ADAMTS12: variants seen among roughly 807,000 people sequenced by gnomAD.
ADAMTS12 encodes the protein ADAM metallopeptidase with thrombospondin type 1 motif 12, also known as A disintegrin and metalloproteinase with thrombospondin motifs 12.
In ADAMTS12, 118 loss-of-function variants were observed where a neutral mutation model predicts 167.8. The observed-to-expected ratio is 0.70, with a 90% CI of 0.61 to 0.82. The LOEUF is 0.82. Ranked by LOEUF, ADAMTS12 falls within the 40% of genes least tolerant of loss-of-function variation. The pLI, the probability that ADAMTS12 is intolerant of heterozygous loss-of-function variation, is 0.00. For synonymous variants in ADAMTS12, 704 were observed against 716.9 expected (o/e 0.98, Z 0.29); for missense variants, 1,916 against 1,998.8 (o/e 0.96, Z 0.79).
chr5:33,627,399 G>A (rs368208282), intron 13 of ADAMTS12, among the ~76,000 whole-genome samples: 8 of 150,802 alleles, frequency 5.3e-5, no homozygotes, highest in East Asian at 3.9e-4. Context: ...TAGTGGTGGC[G>A]ATGATGTAGT....
intron 3 of ADAMTS12, among the ~76,000 whole-genome samples, chr5:33,712,361 C>T (rs1180225852): frequency 6.6e-6 from 1 of 152,096 alleles, no homozygotes; most frequent in Non-Finnish European, 1.5e-5. Context: ...AAAATGCTTT[C>T]AATGCTCTTT....
Position 33,753,481 on chromosome 5 carries a change from A to T in ADAMTS12, c.490-1933T>A, listed in dbSNP as rs1745070202. On this transcript the variant is annotated intron_variant, in intron 2 of 23. Coordinates refer to ENST00000504830, the MANE Select transcript of ADAMTS12 (RefSeq NM_030955.4). ...AAGAGGAAAATGTGAGCCTGTTGTC[A>T]GAAAGCTCATTTGTTCTATGGAAAC... Among the ~76,000 whole-genome samples, 5 of 152,336 alleles carry T rather than the reference A, an allele frequency of 3.3e-5. 1 individual carries two copies. The South Asian group carries it at 1.0e-3, about 32-fold the overall frequency.
intron 17 of ADAMTS12, among the ~76,000 whole-genome samples, chr5:33,593,906 T>G (rs1747773871): frequency 6.6e-6 from 1 of 152,216 alleles, no homozygotes; most frequent in African/African-American, 2.4e-5. Context: ...GGCATCAAAT[T>G]TCTCTGAACC....
chr5:33,832,548 A>G (rs1748339541), intron 2 of ADAMTS12, among the ~76,000 whole-genome samples: 1 of 152,218 alleles, frequency 6.6e-6, no homozygotes, highest in Admixed American at 6.5e-5. Flanking sequence ...CATTCAACAA[A>G]TGTGCAAGTA....
intron 5 of ADAMTS12, 101 bp downstream of exon 5, chr5:33,682,917 T>C: frequency 1.1e-6 from 1 of 933,444 alleles, no homozygotes; most frequent in Non-Finnish European, 1.6e-6. Flanking sequence ...TTCCAAACAC[T>C]TTCTGGTACC....
chr5:33,615,164 G>A (rs948836935), intron 15 of ADAMTS12, among the ~76,000 whole-genome samples: 3 of 152,170 alleles, frequency 2.0e-5, no homozygotes, highest in African/African-American at 7.2e-5. Context: ...CCTTGCCTGT[G>A]TCAGAAGCAA....
chr5:33,666,208 G>A (rs761902829), intron 5 of ADAMTS12, among the ~76,000 whole-genome samples: 2 of 152,172 alleles, frequency 1.3e-5, no homozygotes, highest in East Asian at 1.9e-4. Context: ...ACCCTCCACC[G>A]TTAACATACA....
intron 7 of ADAMTS12, among the ~76,000 whole-genome samples, chr5:33,653,818 A>G (rs1740948419): frequency 1.3e-5 from 2 of 152,124 alleles, no homozygotes; most frequent in African/African-American, 4.8e-5. Flanking sequence ...AGTTTCTCTC[A>G]CCTTCTTAAA....
At chr5:33,548,465 C>T (rs1387317846) in intron 21 of ADAMTS12, among the ~76,000 whole-genome samples, 1 of 152,108 alleles carries the variant, frequency 6.6e-6, no homozygotes, top group Non-Finnish European at 1.5e-5. Context: ...GGGAAAGTGC[C>T]TAGCTCCTGG....
Position 33,614,224 on chromosome 5 carries a change from C to T in ADAMTS12, c.2527+14G>A, listed in dbSNP as rs761396737. 8 of 1,612,066 alleles carry T rather than the reference C, an allele frequency of 5.0e-6. No homozygotes were observed. Among genetic ancestry groups the T allele is most frequent in the Non-Finnish European group, 5.9e-6 (7 of 1,178,940 alleles). On this transcript the variant is annotated intron_variant, in intron 16 of 23. Coordinates refer to ENST00000504830, the MANE Select transcript of ADAMTS12 (RefSeq NM_030955.4). ...GGCTGGCATGGCTTCATAGTGAGAG[C>T]AGCTGTTTCTCACCTGTCCCGCAGG...
chr5:33,809,909 G>A (rs1192063531), intron 2 of ADAMTS12, among the ~76,000 whole-genome samples: 1 of 149,642 alleles, frequency 6.7e-6, no homozygotes, highest in Non-Finnish European at 1.5e-5. Context: ...GAGGAGAGAG[G>A]GAGAATCATA....
rs116934530 is a variant in ADAMTS12, at chr5:33,586,307, A to G, written c.2865+2292T>C. 5.0e-4 allele frequency among the ~76,000 whole-genome samples: 76 copies of G among 152,372 alleles called. 1 individual carries two copies. The East Asian group carries it at 0.013, about 27-fold the overall frequency. ...TAGGAGGTTATTAGTAAGAGAGCAGATAGAAGAAAGGAAGACCCATTTGAT... is the reference window on the plus strand; with the variant it reads ...TAGGAGGTTATTAGTAAGAGAGCAGGTAGAAGAAAGGAAGACCCATTTGAT... On this transcript the variant is annotated intron_variant, in intron 18 of 23. Transcript: ENST00000504830.
intron 19 of ADAMTS12, among the ~76,000 whole-genome samples, chr5:33,571,467 G>C (rs1196488576): frequency 2.0e-5 from 3 of 152,092 alleles, no homozygotes; most frequent in Non-Finnish European, 4.4e-5. Context: ...CAACTACATG[G>C]AAACTGAACA....
chr5:33,786,822 G>A (rs1035263343), intron 2 of ADAMTS12, among the ~76,000 whole-genome samples: 8 of 152,190 alleles, frequency 5.3e-5, no homozygotes, highest in Non-Finnish European at 7.3e-5. Context: ...TCCCCTGTCA[G>A]TGCCAGACAC....
intron 17 of ADAMTS12, among the ~76,000 whole-genome samples, chr5:33,592,125 A>G (rs975416290): frequency 6.6e-5 from 10 of 152,152 alleles, no homozygotes; most frequent in Non-Finnish European, 1.3e-4. Flanking sequence ...GCTACTTGGG[A>G]GGCTGAGGTA....
At chr5:33,875,871 C>T (rs1210839164) in intron 2 of ADAMTS12, among the ~76,000 whole-genome samples, 1 of 151,930 alleles carries the variant, frequency 6.6e-6, no homozygotes, top group African/African-American at 2.4e-5. Flanking sequence ...ATAAAACTGC[C>T]CCATTGGCAA....
intron 17 of ADAMTS12, 135 bp from the exon 18 acceptor site, chr5:33,588,944 G>T: frequency 9.3e-7 from 1 of 1,080,414 alleles, no homozygotes; most frequent in Non-Finnish European, 1.3e-6. Flanking sequence ...CCCACTAGGG[G>T]GCGTGCTGCA....
chr5:33,744,631 G>A (rs1225103018), intron 3 of ADAMTS12, among the ~76,000 whole-genome samples: 1 of 152,168 alleles, frequency 6.6e-6, no homozygotes, highest in African/African-American at 2.4e-5. Context: ...CTGGGGCACA[G>A]TAATGATACT....
At chr5:33,732,190 A>T (rs577128642) in intron 3 of ADAMTS12, among the ~76,000 whole-genome samples, 1 of 152,220 alleles carries the variant, frequency 6.6e-6, no homozygotes, top group Non-Finnish European at 1.5e-5. Flanking sequence ...CATATTCACC[A>T]TCTCCCTTCT....
Sources: gnomAD v4.1 joint callset for allele counts (sites outside exome capture counted in the v4.1 genomes callset) on GRCh38, gnomAD v4.1.1 for gene constraint, MANE v1.5 for transcripts, NCBI Gene and HGNC (gene_info 2026-07-23, HGNC 2026-07-21) for gene names.